Variants in KIAA1217 observed in about 807,000 individuals in gnomAD.
KIAA1217 encodes the protein KIAA1217, also known as sickle tail protein homolog.
KIAA1217 carries 88 observed loss-of-function variants against 163.9 expected under a neutral mutation model. That is an observed-to-expected ratio of 0.54 (90% CI 0.45 to 0.64). The LOEUF (loss-of-function observed/expected upper bound fraction) is 0.64, where lower values mean the gene tolerates loss of function less well. Ranked by LOEUF, KIAA1217 falls within the 30% of genes least tolerant of loss-of-function variation. The pLI is 0.00. For missense variants in KIAA1217, 2,372 were observed against 2,475.0 expected, an observed-to-expected ratio of 0.96 and a Z score of 0.88; for synonymous variants, 903 against 923.1, an observed-to-expected ratio of 0.98 and a Z score of 0.39.
At chr10:24,359,082 C>CTTTTTTTTTTTTTTTT (rs202024336) in intron 2 of KIAA1217, among the ~76,000 whole-genome samples, 9 of 81,528 alleles carry the variant, frequency 1.1e-4, no homozygotes, top group Admixed American at 2.5e-4. Context: ...TTCTTTCTTT[C>CTTTTTTTTTTTTTTTT]TTTTTTTTTT....
chr10:24,309,303 T>C (rs1280622233), intron 2 of KIAA1217, among the ~76,000 whole-genome samples: 1 of 150,728 alleles, frequency 6.6e-6, no homozygotes, highest in African/African-American at 2.5e-5. Context: ...CAAACTGTAT[T>C]GTGTAGACCA....
At chr10:23,918,733 T>TACACACACAC (rs1554823731) in intron 1 of KIAA1217, among the ~76,000 whole-genome samples, 37 of 147,580 alleles carry the variant, frequency 2.5e-4, no homozygotes, top group African/African-American at 8.2e-4. Context: ...ATTAAATATA[T>TACACACACAC]ACACACACAC....
At chr10:23,895,396 TCAC>T in intron 1 of KIAA1217, among the ~76,000 whole-genome samples, 1 of 152,218 alleles carries the variant, frequency 6.6e-6, no homozygotes, top group East Asian at 1.9e-4. Context: ...GAAAAAATGC[TCAC>T]CATCACTGGC....
chr10:24,208,608 G>A (rs1238879840), upstream of KIAA1217, among the ~76,000 whole-genome samples: 1 of 32,898 alleles, frequency 3.0e-5, no homozygotes, highest in Non-Finnish European at 6.0e-5. Flanking sequence ...AAATTGTTTG[G>A]GATTTTTTTT....
In KIAA1217 at chr10:23,834,108, T is replaced by C. The variant is rs532990835; in HGVS notation, c.-321+138874T>C. 1.4e-4 allele frequency among the ~76,000 whole-genome samples: 21 copies of C among 152,308 alleles called. No homozygotes were observed. The East Asian group carries it at 4.0e-3, about 29-fold the overall frequency. On this transcript the variant is annotated intron_variant, in intron 1 of 18. Coordinates refer to the KIAA1217 transcript ENST00000376462. Reference sequence around the variant, plus strand: ...GTCTTTGCTAGGATTAGTCTTATATTTGTGTTTTGAAATTTAGATTCATAG... The same window carrying C: ...GTCTTTGCTAGGATTAGTCTTATATCTGTGTTTTGAAATTTAGATTCATAG...
intron 5 of KIAA1217, chr10:24,449,879 T>G (rs1245262512): frequency 8.4e-6 from 3 of 357,472 alleles, no homozygotes; most frequent in Admixed American, 6.5e-5. Flanking sequence ...AATAGGCGAT[T>G]GCAATTTTAG....
intron 1 of KIAA1217, among the ~76,000 whole-genome samples, chr10:23,756,189 C>T (rs1187236156): frequency 6.6e-6 from 1 of 151,284 alleles, no homozygotes; most frequent in Non-Finnish European, 1.5e-5. Context: ...TCTCAAACTC[C>T]TTAGCTCCAG....
At chr10:23,966,981 G>C (rs2131383138) in intron 1 of KIAA1217, among the ~76,000 whole-genome samples, 1 of 152,184 alleles carries the variant, frequency 6.6e-6, no homozygotes, top group Middle Eastern at 3.4e-3. Flanking sequence ...TATTGGAAAA[G>C]TGGCTAATCT....
At chr10:23,735,222 T>C (rs967711862) in intron 1 of KIAA1217, among the ~76,000 whole-genome samples, 2 of 151,526 alleles carry the variant, frequency 1.3e-5, no homozygotes, top group Non-Finnish European at 2.9e-5. Flanking sequence ...TATAAAGCTG[T>C]ATTATTTTAT....
chr10:24,372,766 C>A (rs868044287), intron 2 of KIAA1217, among the ~76,000 whole-genome samples: 1 of 152,148 alleles, frequency 6.6e-6, no homozygotes, highest in African/African-American at 2.4e-5. Flanking sequence ...CATTAAAACA[C>A]CTTTATTATG....
chr10:24,117,406 A>C (rs1589560879), intron 2 of KIAA1217, among the ~76,000 whole-genome samples: 1 of 152,022 alleles, frequency 6.6e-6, no homozygotes, highest in South Asian at 2.1e-4. Flanking sequence ...TTGGAGAGTC[A>C]GTGTGGGAGG....
intron 1 of KIAA1217, among the ~76,000 whole-genome samples, chr10:23,734,898 A>T (rs1838705727): frequency 6.6e-6 from 1 of 152,092 alleles, no homozygotes; most frequent in Non-Finnish European, 1.5e-5. Context: ...AGATTATTTC[A>T]TCACCCAGGT....
At chr10:23,792,585 C>T (rs1836005353) in intron 1 of KIAA1217, among the ~76,000 whole-genome samples, 1 of 151,704 alleles carries the variant, frequency 6.6e-6, no homozygotes, top group Non-Finnish European at 1.5e-5. Flanking sequence ...CTCCGCCTCC[C>T]GGGTTCATGC....
At chr10:23,740,445 AG>A (rs1277008507) in intron 1 of KIAA1217, among the ~76,000 whole-genome samples, 1 of 152,100 alleles carries the variant, frequency 6.6e-6, no homozygotes, top group Non-Finnish European at 1.5e-5. Context: ...TGCAGCCTCA[AG>A]CTCCCGGGCT....
intron 2 of KIAA1217, among the ~76,000 whole-genome samples, chr10:24,058,237 T>C (rs1589331657): frequency 6.6e-6 from 1 of 152,366 alleles, no homozygotes; most frequent in East Asian, 1.9e-4. Context: ...CTTTCAGTTC[T>C]GTACCATTTG....
chr10:24,034,022 G>A (rs1029781078), intron 2 of KIAA1217, among the ~76,000 whole-genome samples: 1 of 152,206 alleles, frequency 6.6e-6, no homozygotes, highest in African/African-American at 2.4e-5. Context: ...GATTAAGCCA[G>A]GATGAAGTAG....
Position 23,934,607 on chromosome 10 carries a change from G to GTATA in KIAA1217, c.-320-72602_-320-72599dup, listed in dbSNP as rs1162794977. Among the ~76,000 whole-genome samples, 7 of 37,100 alleles carry GTATA rather than the reference G, an allele frequency of 1.9e-4. No homozygotes were observed. The South Asian group carries it at 3.3e-3, about 18-fold the overall frequency. The allele number at this position is 37,100 out of a possible 152,430, so 24.3% of individuals were successfully genotyped here. On this transcript the variant is annotated intron_variant, in intron 1 of 18. Coordinates refer to the KIAA1217 transcript ENST00000376462. ...TATATATATGTATATATATATATATGTATATATATATATATATATTTTTTT... is the reference window on the plus strand; with the variant it reads ...TATATATATGTATATATATATATATGTATATATATATATATATATATATTTTTTT...
At chr10:24,051,509 A>G (rs893359429) in intron 2 of KIAA1217, among the ~76,000 whole-genome samples, 1 of 152,154 alleles carries the variant, frequency 6.6e-6, no homozygotes, top group African/African-American at 2.4e-5. Context: ...CACTATAAAC[A>G]TATTTCCTTA....
intron 6 of KIAA1217, among the ~76,000 whole-genome samples, chr10:24,476,280 G>C (rs531924324): frequency 1.2e-4 from 18 of 152,098 alleles, no homozygotes; most frequent in Non-Finnish European, 1.9e-4. Context: ...TTTTCAAGAC[G>C]TTTAGTTATG....
Sources: gnomAD v4.1 joint callset for allele counts (sites outside exome capture counted in the v4.1 genomes callset) on GRCh38, gnomAD v4.1.1 for gene constraint, MANE v1.5 for transcripts, NCBI Gene and HGNC (gene_info 2026-07-23, HGNC 2026-07-21) for gene names.